Variants in MIPOL1 observed in about 807,000 individuals in gnomAD.
The protein encoded by MIPOL1 is mirror-image polydactyly gene 1 protein.
In MIPOL1, 57 loss-of-function variants were observed where a neutral mutation model predicts 60.9. That is an observed-to-expected ratio of 0.94 (90% CI 0.76 to 1.17). The LOEUF is 1.17. Ranked by LOEUF, MIPOL1 falls within the 50% of genes most tolerant of loss-of-function variation. The pLI is 0.00. For synonymous variants in MIPOL1, 179 were observed against 168.8 expected (o/e 1.06, Z -0.47); for missense variants, 551 against 511.6 (o/e 1.08, Z -0.74).
chr14:37,205,669 C>G lies in MIPOL1; in HGVS notation c.-199+7565C>G, dbSNP rs113151821. ...GTGTGTGATGTTGCCTACCCTGTGT[C>G]CAAGTGATCTCATTGTTCAGTTCCC... is the stretch of plus-strand genomic sequence containing the variant. On this transcript the variant is annotated intron_variant, in intron 1 of 12. Coordinates refer to ENST00000684589, the MANE Select transcript of MIPOL1 (RefSeq NM_001388067.1). Among the ~76,000 whole-genome samples, 1,258 of 152,194 alleles carry G rather than the reference C, an allele frequency of 8.3e-3. 25 individuals carry two copies. The highest frequency in any genetic ancestry group is 0.029 in the African/African-American group (1,191 of 41,506).
chr14:37,539,070 T>C (rs1255725401), intron 12 of MIPOL1, among the ~76,000 whole-genome samples: 2 of 151,912 alleles, frequency 1.3e-5, no homozygotes, highest in South Asian at 4.2e-4. Flanking sequence ...GGTGTGGTGG[T>C]GGGCGCCTGT....
At chr14:37,498,272 A>C (rs2095163441) in intron 11 of MIPOL1, among the ~76,000 whole-genome samples, 1 of 152,198 alleles carries the variant, frequency 6.6e-6, no homozygotes, top group Non-Finnish European at 1.5e-5. Flanking sequence ...ACATTTTTTC[A>C]AGCTGAATAC....
intron 1 of MIPOL1, among the ~76,000 whole-genome samples, chr14:37,205,837 A>T (rs1965996913): frequency 6.6e-6 from 1 of 152,116 alleles, no homozygotes; most frequent in Non-Finnish European, 1.5e-5. Flanking sequence ...CATGGTGTAA[A>T]TGTGCCACAT....
At chr14:37,310,854 C>G (rs999418913) in intron 9 of MIPOL1, among the ~76,000 whole-genome samples, 1 of 152,134 alleles carries the variant, frequency 6.6e-6, no homozygotes, top group Non-Finnish European at 1.5e-5. Context: ...GTGGAAAACT[C>G]AAATATTTTT....
intron 10 of MIPOL1, among the ~76,000 whole-genome samples, chr14:37,417,386 A>G (rs2093789480): frequency 6.6e-6 from 1 of 152,158 alleles, no homozygotes; most frequent in Non-Finnish European, 1.5e-5. Flanking sequence ...GAACCTCATT[A>G]TCTCTGGTCT....
At chr14:37,226,087 C>T (rs1006754593) in intron 1 of MIPOL1, among the ~76,000 whole-genome samples, 12 of 152,188 alleles carry the variant, frequency 7.9e-5, no homozygotes, top group African/African-American at 1.7e-4. Flanking sequence ...GTCCATATTG[C>T]TGTCAGCATT....
At chr14:37,526,242 C>A (rs1594880209) in intron 12 of MIPOL1, among the ~76,000 whole-genome samples, 1 of 149,148 alleles carries the variant, frequency 6.7e-6, no homozygotes. Flanking sequence ...AACCTATCAA[C>A]TAAATGCATT....
intron 9 of MIPOL1, among the ~76,000 whole-genome samples, chr14:37,347,371 A>G (rs948600071): frequency 6.6e-6 from 1 of 152,220 alleles, no homozygotes; most frequent in African/African-American, 2.4e-5. Context: ...AAATATGTGA[A>G]TAAATGAAGA....
rs1384453962 is a variant in MIPOL1 at position 37,549,738 on chromosome 14, G to A, written c.*2767G>A. On this transcript the variant is annotated 3_prime_UTR_variant, in exon 13 of 13. Coordinates refer to ENST00000684589, the MANE Select transcript of MIPOL1 (RefSeq NM_001388067.1). Reference sequence around the variant, plus strand: ...AAGTACAATAATGTGAACTGCATGTGTAAACAGCATCACATTATTACCACC... The same window carrying A: ...AAGTACAATAATGTGAACTGCATGTATAAACAGCATCACATTATTACCACC... The A allele has an allele frequency of 6.6e-6, 1 of 151,882 alleles. No homozygotes were observed. The highest frequency in any genetic ancestry group is 1.5e-5 in the Non-Finnish European group (1 of 67,840). The allele number at this position is 151,882 out of a possible 1,614,324, so 9.4% of individuals were successfully genotyped here.
rs147065074 is a variant in MIPOL1, at chr14:37,270,445, A to G, written c.413A>G (p.Asp138Gly). ...KKLQQKLAKE[D>G]KEQRKLKFKL... ...CTTCAGCAGAAATTGGCTAAAGAAG[A>G]TAAAGAACAGAGAAAACTAAAGTTT... The change falls in exon 6 of 13, where the codon GAT becomes GGT. Residue 138 changes from aspartate (D) to glycine (G), a missense_variant. Coordinates refer to ENST00000684589, the MANE Select transcript of MIPOL1 (RefSeq NM_001388067.1). 5.0e-6 allele frequency: 8 copies of G among 1,596,390 alleles called. No individual in the cohort carries two copies. Among genetic ancestry groups the G allele is most frequent in the Non-Finnish European group, 5.1e-6 (6 of 1,170,968 alleles).
At chr14:37,529,930 T>C (rs2095469853) in intron 12 of MIPOL1, among the ~76,000 whole-genome samples, 1 of 152,166 alleles carries the variant, frequency 6.6e-6, no homozygotes, top group Admixed American at 6.5e-5. Context: ...TAAGAAGCCA[T>C]TGCAGAGTTT....
At chr14:37,546,288 G>GT (rs569578785) in intron 12 of MIPOL1, among the ~76,000 whole-genome samples, 40 of 152,234 alleles carry the variant, frequency 2.6e-4, no homozygotes, top group Non-Finnish European at 4.9e-4. Context: ...ATAGAAACGT[G>GT]TTTTTTTAAT....
chr14:37,430,773 A>C (rs2094049858), intron 11 of MIPOL1, among the ~76,000 whole-genome samples: 1 of 152,228 alleles, frequency 6.6e-6, no homozygotes, highest in African/African-American at 2.4e-5. Context: ...AATCACTTAC[A>C]AATGTTTGCT....
chr14:37,351,241 TTC>T (rs1055825813), intron 9 of MIPOL1, among the ~76,000 whole-genome samples: 2 of 147,650 alleles, frequency 1.4e-5, no homozygotes, highest in Non-Finnish European at 1.5e-5. Flanking sequence ...CATGAACTCA[TTC>T]TTTTTTATGG....
intron 12 of MIPOL1, chr14:37,503,217 C>G (rs576776744): frequency 6.6e-6 from 1 of 152,116 alleles, no homozygotes; most frequent in Admixed American, 6.6e-5. Context: ...AGAAATTCCC[C>G]CACCTAGCAA....
chr14:37,258,770 T>C (rs1975384802), intron 3 of MIPOL1, among the ~76,000 whole-genome samples: 2 of 152,100 alleles, frequency 1.3e-5, no homozygotes. Context: ...AAATAGTTCA[T>C]ACAAAGAAAT....
intron 9 of MIPOL1, among the ~76,000 whole-genome samples, chr14:37,350,623 T>C (rs2091285763): frequency 6.6e-6 from 1 of 152,164 alleles, no homozygotes; most frequent in Non-Finnish European, 1.5e-5. Context: ...GTACAAGTTA[T>C]CATTGATTAT....
chr14:37,523,745 A>C (rs1204657430), intron 12 of MIPOL1, among the ~76,000 whole-genome samples: 1 of 152,196 alleles, frequency 6.6e-6, no homozygotes, highest in Non-Finnish European at 1.5e-5. Flanking sequence ...TTGACCTCGT[A>C]AATCTTTCAG....
At chr14:37,407,261 T>C (rs962237198) in intron 10 of MIPOL1, among the ~76,000 whole-genome samples, 7 of 152,132 alleles carry the variant, frequency 4.6e-5, no homozygotes, top group Non-Finnish European at 1.0e-4. Flanking sequence ...AGTTAATGCA[T>C]AGATAGACTC....
Sources: gnomAD v4.1 joint callset for allele counts (sites outside exome capture counted in the v4.1 genomes callset) on GRCh38, gnomAD v4.1.1 for gene constraint, MANE v1.5 for transcripts, NCBI Gene and HGNC (gene_info 2026-07-23, HGNC 2026-07-21) for gene names.